The following THSD7A variants were observed in gnomAD, a reference collection of about 807,000 sequenced individuals.
THSD7A encodes the protein thrombospondin type 1 domain containing 7A.
THSD7A carries 96 observed loss-of-function variants against 231.3 expected under a neutral mutation model. The observed-to-expected ratio is 0.41, with a 90% CI of 0.35 to 0.49. THSD7A has a LOEUF of 0.49. Among genes scored for constraint, THSD7A ranks in the 20% least tolerant of loss-of-function variants. THSD7A has a pLI of 0.05. For missense variants in THSD7A, 2,290 were observed against 2,070.2 expected (o/e 1.11, Z -2.06); for synonymous variants, 940 against 743.3 (o/e 1.26, Z -4.30).
intron 1 of THSD7A, among the ~76,000 whole-genome samples, chr7:11,714,668 A>G (rs1781076937): frequency 6.6e-6 from 1 of 151,374 alleles, no homozygotes; most frequent in Admixed American, 6.6e-5. Context: ...TACCCTAAGA[A>G]AAAAAGCAGT....
intron 4 of THSD7A, among the ~76,000 whole-genome samples, chr7:11,585,690 G>C (rs944404771): frequency 6.6e-6 from 1 of 152,154 alleles, no homozygotes; most frequent in African/African-American, 2.4e-5. Context: ...TGGGTGGCCA[G>C]AGCCTATTCC....
chr7:11,472,423 G>A (rs781229020), intron 8 of THSD7A, among the ~76,000 whole-genome samples: 7 of 152,124 alleles, frequency 4.6e-5, no homozygotes, highest in Non-Finnish European at 8.8e-5. Flanking sequence ...CATATACCTA[G>A]TATTAGAAAG....
At chr7:11,666,781 T>C (rs975013743) in intron 1 of THSD7A, among the ~76,000 whole-genome samples, 2 of 151,636 alleles carry the variant, frequency 1.3e-5, no homozygotes, top group African/African-American at 4.8e-5. Context: ...AAAGACTTTT[T>C]TAAACGTGGA....
chr7:11,598,933 T>C (rs1297516621), intron 2 of THSD7A, among the ~76,000 whole-genome samples: 1 of 152,184 alleles, frequency 6.6e-6, no homozygotes, highest in African/African-American at 2.4e-5. Context: ...TTTGGGCTCC[T>C]TCTACCTTTA....
intron 1 of THSD7A, among the ~76,000 whole-genome samples, chr7:11,688,992 TC>T (rs1416797438): frequency 6.6e-5 from 10 of 152,014 alleles, no homozygotes; most frequent in Admixed American, 5.3e-4. Flanking sequence ...CTGTTTCTCT[TC>T]CCTATTTGTT....
chr7:11,791,500 T>A (rs913895720), intron 1 of THSD7A, among the ~76,000 whole-genome samples: 1 of 152,126 alleles, frequency 6.6e-6, no homozygotes. Flanking sequence ...CAAAGTTTAG[T>A]TGATCATCAT....
chr7:11,606,514 C>G (rs931138012), intron 2 of THSD7A, among the ~76,000 whole-genome samples: 1 of 152,024 alleles, frequency 6.6e-6, no homozygotes, highest in African/African-American at 2.4e-5. Context: ...AGCATTTTAG[C>G]ACTTAAGAAT....
chr7:11,479,624 T>A (rs1786338130), intron 7 of THSD7A, among the ~76,000 whole-genome samples: 1 of 149,990 alleles, frequency 6.7e-6, no homozygotes, highest in South Asian at 2.1e-4. Context: ...TAAAAATAGT[T>A]CAGAATTAGG....
At chr7:11,783,492 C>G (rs1783695718) in intron 1 of THSD7A, among the ~76,000 whole-genome samples, 1 of 152,144 alleles carries the variant, frequency 6.6e-6, no homozygotes, top group South Asian at 2.1e-4. Context: ...ACCATTTGGT[C>G]ATCCCATTAA....
chr7:11,734,636 C>T (rs945303009), intron 1 of THSD7A, among the ~76,000 whole-genome samples: 1 of 151,852 alleles, frequency 6.6e-6, no homozygotes, highest in Non-Finnish European at 1.5e-5. Flanking sequence ...TGTTTTCTGT[C>T]TTAGAACATT....
chr7:11,610,697 G>A (rs989241797), intron 2 of THSD7A, among the ~76,000 whole-genome samples: 3 of 152,014 alleles, frequency 2.0e-5, no homozygotes, highest in African/African-American at 4.8e-5. Context: ...GCTCAAGGAA[G>A]AAACAAAGAA....
chr7:11,623,487 A>T (rs1021791809), intron 2 of THSD7A, among the ~76,000 whole-genome samples: 1 of 152,070 alleles, frequency 6.6e-6, no homozygotes, highest in Admixed American at 6.6e-5. Flanking sequence ...AAAAATTGCC[A>T]TGCCACACTC....
At chr7:11,820,333 T>G in intron 1 of THSD7A, 1 of 878,100 alleles carries the variant, frequency 1.1e-6, no homozygotes, top group Non-Finnish European at 1.6e-6. Context: ...GGTTGTGGGC[T>G]GTAAATTGTC....
intron 1 of THSD7A, among the ~76,000 whole-genome samples, chr7:11,744,622 G>A (rs956003704): frequency 3.2e-5 from 4 of 124,194 alleles, no homozygotes; most frequent in Non-Finnish European, 4.7e-5. Context: ...GCCCCAGTGT[G>A]TGATGTTCCC....
At chr7:11,582,692 G>GT (rs1431758927) in intron 4 of THSD7A, among the ~76,000 whole-genome samples, 5 of 152,142 alleles carry the variant, frequency 3.3e-5, no homozygotes. Context: ...TACGTTGCCA[G>GT]TTACTTTCCT....
intron 1 of THSD7A, among the ~76,000 whole-genome samples, chr7:11,684,290 A>G (rs982348032): frequency 5.9e-5 from 9 of 151,970 alleles, no homozygotes; most frequent in Non-Finnish European, 1.3e-4. Flanking sequence ...CTGAACAGGC[A>G]AAAGTTGGAA....
intron 10 of THSD7A, 33 bp downstream of exon 10, chr7:11,461,978 C>T (rs1785521073): frequency 1.3e-6 from 2 of 1,596,322 alleles, no homozygotes; most frequent in African/African-American, 1.3e-5. Context: ...ATTTGTTCAG[C>T]TCCTCCCTCA....
At chr7:11,391,358 T>A (rs1230731044) in intron 23 of THSD7A, among the ~76,000 whole-genome samples, 1 of 152,204 alleles carries the variant, frequency 6.6e-6, no homozygotes, top group Non-Finnish European at 1.5e-5. Flanking sequence ...TGTTGTGGGC[T>A]CTGCCCAGTT....
intron 16 of THSD7A, among the ~76,000 whole-genome samples, chr7:11,423,667 G>C (rs1784226952): frequency 6.6e-6 from 1 of 152,066 alleles, no homozygotes; most frequent in African/African-American, 2.4e-5. Flanking sequence ...TTTCCTGGGT[G>C]CCACTGAGAA....
Sources: gnomAD v4.1 joint callset for allele counts (sites outside exome capture counted in the v4.1 genomes callset) on GRCh38, gnomAD v4.1.1 for gene constraint, MANE v1.5 for transcripts, NCBI Gene and HGNC (gene_info 2026-07-23, HGNC 2026-07-21) for gene names.